The following BICC1 variants were observed in gnomAD, a reference collection of about 807,000 sequenced individuals.
BICC1 encodes protein bicaudal C homolog 1.
Under a neutral mutation model 111.0 loss-of-function variants are expected in BICC1, and 43 were observed. That is an observed-to-expected ratio of 0.39 (90% confidence interval 0.30 to 0.50). BICC1 has a LOEUF of 0.50. Ranked by LOEUF, BICC1 falls within the 20% of genes least tolerant of loss-of-function variation. The pLI is 0.88. For missense variants in BICC1, 1,091 were observed against 1,203.2 expected, an observed-to-expected ratio of 0.91 and a Z score of 1.38; for synonymous variants, 467 against 434.4, an observed-to-expected ratio of 1.07 and a Z score of -0.93.
intron 3 of BICC1, among the ~76,000 whole-genome samples, chr10:58,766,236 C>T (rs952306310): frequency 8.6e-5 from 13 of 151,974 alleles, no homozygotes; most frequent in African/African-American, 3.1e-4. Flanking sequence ...CTGTGAACCA[C>T]ATTAAGGCCA....
At chr10:58,576,571 C>T (rs1000168970) in intron 1 of BICC1, among the ~76,000 whole-genome samples, 1 of 152,268 alleles carries the variant, frequency 6.6e-6, no homozygotes, top group East Asian at 1.9e-4. Context: ...TGTCTTACTT[C>T]GTGCCTCCCA....
intron 3 of BICC1, chr10:58,716,017 G>C (rs1342310300): frequency 1.4e-6 from 2 of 1,409,444 alleles, no homozygotes; most frequent in East Asian, 5.0e-5. Context: ...AGACAGTAAG[G>C]ATAGTTTAAA....
At chr10:58,725,394 A>C (rs1166393920) in intron 3 of BICC1, among the ~76,000 whole-genome samples, 2 of 151,908 alleles carry the variant, frequency 1.3e-5, no homozygotes, top group Non-Finnish European at 2.9e-5. Context: ...TAAAATACCA[A>C]ATTTTCTCTC....
At chr10:58,790,585 T>A (rs373441460) in intron 8 of BICC1, among the ~76,000 whole-genome samples, 3 of 152,148 alleles carry the variant, frequency 2.0e-5, no homozygotes, top group African/African-American at 4.8e-5. Flanking sequence ...CCCAGCACTT[T>A]GGGAGGCCAA....
At chr10:58,605,929 A>G (rs1378588308) in intron 1 of BICC1, among the ~76,000 whole-genome samples, 1 of 152,026 alleles carries the variant, frequency 6.6e-6, no homozygotes, top group Non-Finnish European at 1.5e-5. Context: ...GGAGTTGGTA[A>G]TTGCCTTGTT....
In BICC1 at chr10:58,799,204, G is replaced by A. The variant is rs1843458076; in HGVS notation, c.1677G>A (p.Met559Ile). 2.5e-6 allele frequency: 4 copies of A among 1,613,116 alleles called. No individual in the cohort carries two copies. Among genetic ancestry groups the A allele is most frequent in the Non-Finnish European group, 3.4e-6 (4 of 1,179,570 alleles). Residue 559 changes from methionine (M) to isoleucine (I), a missense_variant, in exon 12 of 21, where the codon ATG becomes ATA. By Grantham distance (10) the Met-to-Ile change is conservative. Coordinates refer to ENST00000373886, the MANE Select transcript of BICC1 (RefSeq NM_001080512.3). ...LTPVDVHINS[M>I]QTEGKKISAA... Reference sequence around the variant, plus strand: ...CTGTTGATGTCCATATCAACAGTATGCAGACCGAAGGCAAAAAAATCTCTG... The same window carrying A: ...CTGTTGATGTCCATATCAACAGTATACAGACCGAAGGCAAAAAAATCTCTG...
intron 1 of BICC1, among the ~76,000 whole-genome samples, chr10:58,563,904 A>G (rs1414569042): frequency 4.3e-5 from 2 of 46,394 alleles, no homozygotes; most frequent in African/African-American, 9.6e-5. Context: ...TTGAGTACTC[A>G]AACACATATA....
intron 1 of BICC1, among the ~76,000 whole-genome samples, chr10:58,564,882 A>G (rs1843709729): frequency 6.6e-6 from 1 of 152,192 alleles, no homozygotes; most frequent in South Asian, 2.1e-4. Context: ...TTTAGGCATA[A>G]TTTTGTCCTT....
chr10:58,602,209 C>A (rs920260), intron 1 of BICC1, among the ~76,000 whole-genome samples: 1 of 151,990 alleles, frequency 6.6e-6, no homozygotes, highest in East Asian at 1.9e-4. Context: ...CACTATGCAA[C>A]TGTAGCAGAT....
chr10:58,719,494 T>G (rs1840869920), intron 3 of BICC1, among the ~76,000 whole-genome samples: 1 of 130,594 alleles, frequency 7.7e-6, no homozygotes, highest in Non-Finnish European at 1.6e-5. Flanking sequence ...TTATTCATGC[T>G]TACATTTGGG....
At chr10:58,828,390 C>T (rs1211278033) in intron 20 of BICC1, among the ~76,000 whole-genome samples, 1 of 152,168 alleles carries the variant, frequency 6.6e-6, no homozygotes, top group Non-Finnish European at 1.5e-5. Flanking sequence ...GCTTGTTCTC[C>T]TTGCCTCTGA....
At chr10:58,616,797 A>G (rs1845620823) in intron 1 of BICC1, among the ~76,000 whole-genome samples, 1 of 152,252 alleles carries the variant, frequency 6.6e-6, no homozygotes, top group Non-Finnish European at 1.5e-5. Context: ...GGAGGGCAAC[A>G]GTGGACTTTC....
chr10:58,648,119 T>C (rs1005086654), intron 2 of BICC1, among the ~76,000 whole-genome samples: 10 of 152,180 alleles, frequency 6.6e-5, no homozygotes, highest in African/African-American at 2.4e-4. Context: ...TAAAAAAAAA[T>C]GCTTTGCTTT....
intron 2 of BICC1, among the ~76,000 whole-genome samples, chr10:58,670,413 A>T (rs929399940): frequency 6.6e-6 from 1 of 152,166 alleles, no homozygotes; most frequent in Admixed American, 6.5e-5. Context: ...TTATCACATT[A>T]TCATCCTACG....
At chr10:58,587,778 T>G (rs1467864398) in intron 1 of BICC1, among the ~76,000 whole-genome samples, 1 of 152,162 alleles carries the variant, frequency 6.6e-6, no homozygotes, top group Non-Finnish European at 1.5e-5. Context: ...GCTAAAAAGC[T>G]CCATTTATTC....
At chr10:58,540,959 G>C (rs879824229) in intron 1 of BICC1, among the ~76,000 whole-genome samples, 1 of 152,076 alleles carries the variant, frequency 6.6e-6, no homozygotes, top group East Asian at 1.9e-4. Flanking sequence ...TGTAACACAT[G>C]ATCATCTCAA....
chr10:58,790,061 T>A, intron 8 of BICC1, 128 bp downstream of exon 8: 1 of 1,083,404 alleles, frequency 9.2e-7, no homozygotes, highest in Non-Finnish European at 1.3e-6. Flanking sequence ...TAAGGAAGTT[T>A]CTTGCTAAAA....
At chr10:58,600,002 G>A (rs1474887801) in intron 1 of BICC1, among the ~76,000 whole-genome samples, 1 of 151,348 alleles carries the variant, frequency 6.6e-6, no homozygotes, top group African/African-American at 2.4e-5. Context: ...TTACTTTTTG[G>A]AAGTTATTTG....
chr10:58,617,192 G>C (rs7095923), intron 1 of BICC1, among the ~76,000 whole-genome samples: 2 of 152,328 alleles, frequency 1.3e-5, no homozygotes, highest in African/African-American at 2.4e-5. Flanking sequence ...CTTCAGGCTC[G>C]TGAGAGTACG....
Sources: gnomAD v4.1 joint callset for allele counts (sites outside exome capture counted in the v4.1 genomes callset) on GRCh38, gnomAD v4.1.1 for gene constraint, MANE v1.5 for transcripts, NCBI Gene and HGNC (gene_info 2026-07-23, HGNC 2026-07-21) for gene names.